PLD1: variants seen among roughly 807,000 people sequenced by gnomAD.
PLD1 encodes choline phosphatase 1.
PLD1 carries 112 observed loss-of-function variants against 137.1 expected under a neutral mutation model. That is an observed-to-expected ratio of 0.82 (90% confidence interval 0.70 to 0.96). PLD1 has a LOEUF of 0.96. Among genes scored for constraint, PLD1 ranks in the 40% least tolerant of loss-of-function variants. PLD1 has a pLI of 0.00. For missense variants in PLD1, 1,321 were observed against 1,342.0 expected (o/e 0.98, Z 0.24); for synonymous variants, 431 against 454.7 (o/e 0.95, Z 0.66).
intron 21 of PLD1, among the ~76,000 whole-genome samples, chr3:171,652,057 G>A (rs980620361): frequency 6.6e-5 from 10 of 152,114 alleles, no homozygotes; most frequent in Non-Finnish European, 1.3e-4. Context: ...TCCAGAAATC[G>A]TACAGAGCTT....
chr3:171,751,423 T>C (rs1475726072), intron 1 of PLD1, among the ~76,000 whole-genome samples: 1 of 152,146 alleles, frequency 6.6e-6, no homozygotes, highest in African/African-American at 2.4e-5. Context: ...AAGACATAAG[T>C]AGAATGTATA....
intron 12 of PLD1, among the ~76,000 whole-genome samples, chr3:171,698,180 T>C (rs953475531): frequency 1.3e-5 from 2 of 152,126 alleles, no homozygotes; most frequent in Non-Finnish European, 2.9e-5. Context: ...AAGACATGAG[T>C]CCCTCAGCAA....
rs113923672 is a variant in PLD1 at position 171,728,294 on chromosome 3, C to G, written c.607-2218G>C. ...TCGTGCCCCTGCACTCCAGCCTGGG[C>G]AACACAGCAGGACTGTCTCAAAAAC... On this transcript the variant is annotated intron_variant, in intron 6 of 26. Coordinates refer to ENST00000351298, the MANE Select transcript of PLD1 (RefSeq NM_002662.5). Among the ~76,000 whole-genome samples the G allele has an allele frequency of 4.9e-3, 750 of 152,278 alleles. 4 individuals are homozygous for G. Among genetic ancestry groups the G allele is most frequent in the Non-Finnish European group, 8.6e-3 (584 of 68,022 alleles).
At chr3:171,689,267 TG>T (rs1163941396) in intron 13 of PLD1, among the ~76,000 whole-genome samples, 3 of 152,258 alleles carry the variant, frequency 2.0e-5, no homozygotes, top group Admixed American at 2.0e-4. Context: ...AAATGTGTAA[TG>T]AATTATATTG....
At chr3:171,634,798 C>T (rs550370573) in intron 23 of PLD1, among the ~76,000 whole-genome samples, 10 of 152,178 alleles carry the variant, frequency 6.6e-5, no homozygotes, top group African/African-American at 2.2e-4. Flanking sequence ...ACAAAATTCT[C>T]GTCTTTAAAG....
intron 1 of PLD1, among the ~76,000 whole-genome samples, chr3:171,767,534 G>C (rs970969019): frequency 1.3e-5 from 2 of 152,166 alleles, no homozygotes; most frequent in Non-Finnish European, 2.9e-5. Context: ...AATGTATTAG[G>C]TTGTATTTTT....
chr3:171,711,817 TAAA>T (rs36106956), intron 9 of PLD1, among the ~76,000 whole-genome samples: 17,794 of 99,012 alleles, frequency 0.18, 1,208 homozygotes, highest in South Asian at 0.25. Flanking sequence ...TTATAAATGC[TAAA>T]AAAAAAAAAA....
At chr3:171,639,848 C>CTCTCTCTCTCTATATATATATATATA (rs3050415) in intron 23 of PLD1, among the ~76,000 whole-genome samples, 23 of 110,186 alleles carry the variant, frequency 2.1e-4, no homozygotes, top group African/African-American at 9.0e-4. Flanking sequence ...CTCTCTCTCT[C>CTCTCTCTCTCTATATATATATATATA]TATATATATA....
chr3:171,732,125 A>G, intron 6 of PLD1, among the ~76,000 whole-genome samples: 1 of 152,260 alleles, frequency 6.6e-6, no homozygotes, highest in East Asian at 1.9e-4. Flanking sequence ...ACACATTTAA[A>G]TAGTTGTCTG....
Position 171,686,730 on chromosome 3 carries a change from G to T in PLD1, c.1822C>A (p.His608Asn). The part of the protein sequence containing the change: ...HGLKPHFKLF[H>N]PSSESEQGLT... The stretch of plus-strand genomic sequence containing the variant: ...CCTTGCTCAGACTCACTGGACGGGT[G>T]AAAGAGTTTGAAGTGGGGTTTTAAA... Residue 608 changes from histidine (H) to asparagine (N), a missense_variant, in exon 16 of 27, where the codon CAC (histidine) becomes AAC (asparagine). Transcript: ENST00000351298. The T allele has an allele frequency of 6.2e-7, 1 of 1,609,740 alleles. No homozygotes were observed. Among genetic ancestry groups the T allele is most frequent in the Non-Finnish European group, 8.5e-7 (1 of 1,176,124 alleles).
At chr3:171,702,019 T>C (rs1188584377) in intron 11 of PLD1, among the ~76,000 whole-genome samples, 4 of 151,982 alleles carry the variant, frequency 2.6e-5, no homozygotes, top group African/African-American at 4.8e-5. Context: ...TCTTAAAAGA[T>C]AGAAAAAGAA....
rs1560288482 is a variant in PLD1 at position 171,764,882 on chromosome 3, A to AGAGAAAGAAAG, written c.-31-26801_-31-26800insCTTTCTTTCTC. Among the ~76,000 whole-genome samples, 3 of 27,018 alleles carry AGAGAAAGAAAG rather than the reference A, an allele frequency of 1.1e-4. 1 individual carries two copies. Among genetic ancestry groups the AGAGAAAGAAAG allele is most frequent in the African/African-American group, 1.8e-4 (1 of 5,712 alleles). The allele number at this position is 27,018 out of a possible 152,430, so 17.7% of individuals were successfully genotyped here. On this transcript the variant is annotated intron_variant, in intron 1 of 26. Coordinates refer to ENST00000351298, the MANE Select transcript of PLD1 (RefSeq NM_002662.5). ...AAGAAAGAAAGAAAGAAAGAAAGAA[A>AGAGAAAGAAAG]GAAAGAAAGAAAGGAAGGAAGGAAG...
chr3:171,657,124 C>T (rs1737279505), intron 21 of PLD1, among the ~76,000 whole-genome samples: 2 of 151,980 alleles, frequency 1.3e-5, no homozygotes, highest in Admixed American at 1.3e-4. Context: ...CACATAACCT[C>T]TTGAATCTCA....
At position 171,662,071 on chromosome 3, in the gene PLD1, T is replaced by G. The variant is rs1176699537; in HGVS notation, c.2329A>C (p.Ile777Leu). 6.3e-7 allele frequency: 1 copy of G among 1,588,694 alleles called. No individual in the cohort carries two copies. Among genetic ancestry groups the G allele is most frequent in the South Asian group, 1.1e-5 (1 of 90,486 alleles). ...VHVIENSRHY[I>L]YIENQFFISC... The stretch of plus-strand genomic sequence containing the variant: ...TGAGCAAGACTTACTTCGATATAGA[T>G]ATAGTGCCTGCTGTTCTCTATCACA... The change falls in exon 20 of 27, where the codon ATC becomes CTC. Residue 777 changes from isoleucine (I) to leucine (L), a missense_variant. By Grantham distance (5) the Ile-to-Leu change is conservative. Coordinates refer to ENST00000351298, the MANE Select transcript of PLD1 (RefSeq NM_002662.5).
At chr3:171,709,735 A>T in intron 9 of PLD1, 26 bp from the exon 10 acceptor site, 1 of 1,602,582 alleles carries the variant, frequency 6.2e-7, no homozygotes, top group East Asian at 2.2e-5. Context: ...CAAATATTGA[A>T]AAGACTGGTC....
At chr3:171,760,622 C>T (rs1428727206) in intron 1 of PLD1, among the ~76,000 whole-genome samples, 1 of 152,198 alleles carries the variant, frequency 6.6e-6, no homozygotes, top group East Asian at 1.9e-4. Context: ...TGGGGCAGTG[C>T]AATCCAAGGT....
intron 21 of PLD1, 146 bp from the exon 22 acceptor site, chr3:171,645,169 G>C (rs1736101740): frequency 1.6e-6 from 1 of 641,164 alleles, no homozygotes; most frequent in Admixed American, 2.2e-5. Context: ...ACTTGGGAGG[G>C]TGTGCTGTTG....
chr3:171,684,362 G>A (rs1444695883), intron 16 of PLD1, among the ~76,000 whole-genome samples: 1 of 152,040 alleles, frequency 6.6e-6, no homozygotes, highest in Non-Finnish European at 1.5e-5. Flanking sequence ...GGCACTACCT[G>A]GAGCTGTTTC....
At chr3:171,662,228 A>AT in intron 19 of PLD1, 58 bp from the exon 20 acceptor site, 1 of 939,914 alleles carries the variant, frequency 1.1e-6, no homozygotes, top group Non-Finnish European at 1.7e-6. Flanking sequence ...CATCAGATAT[A>AT]TTAATACAAT....
Sources: allele counts gnomAD v4.1 joint callset (sites outside exome capture counted in the v4.1 genomes callset), GRCh38; gene constraint gnomAD v4.1.1; transcripts MANE v1.5; gene names NCBI Gene and HGNC (gene_info 2026-07-23, HGNC 2026-07-21).